The following CGN variants were observed in gnomAD, a reference collection of about 807,000 sequenced individuals.
CGN encodes the protein cingulin.
Under a neutral mutation model 157.1 loss-of-function variants are expected in CGN, and 121 were observed. The observed-to-expected ratio is 0.77, with a 90% CI of 0.66 to 0.90. CGN has a LOEUF of 0.90. Ranked by LOEUF, CGN falls within the 40% of genes least tolerant of loss-of-function variation. CGN has a pLI of 0.00. For missense variants in CGN, 1,424 were observed against 1,520.9 expected (o/e 0.94, Z 1.06); for synonymous variants, 535 against 607.5 (o/e 0.88, Z 1.76).
rs765506857 is a variant in CGN, at chr1:151,518,493, C to A, written c.-14-13C>A. ...GAAGTCTCTCAGCCTAAACTCATTT[C>A]TTCATCTTCTAGGACTCCTCCTATT... On this transcript the variant is annotated splice_polypyrimidine_tract_variant and intron_variant, in intron 1 of 20. Coordinates refer to ENST00000271636, the MANE Select transcript of CGN (RefSeq NM_020770.3). 1.9e-6 allele frequency: 3 copies of A among 1,567,972 alleles called. No individual in the cohort carries two copies. The highest frequency in any genetic ancestry group is 2.3e-5 in the South Asian group (2 of 85,760).
Position 151,519,164 on chromosome 1 carries a change from G to T in CGN, c.645G>T (p.Leu215=), listed in dbSNP as rs1490005530. ...PPEQRKRSKS[L]DSRLPRDTFE... The stretch of plus-strand genomic sequence containing the variant: ...AACAGCGCAAACGGAGCAAGAGCCT[G>T]GACAGCCGCCTCCCACGGGACACCT... The change falls in exon 2 of 21, where the codon CTG becomes CTT. Residue 215 remains leucine, a synonymous_variant. Transcript: ENST00000271636. 2 of 1,614,016 alleles carry T rather than the reference G, an allele frequency of 1.2e-6. No individual in the cohort carries two copies.
intron 20 of CGN, 83 bp downstream of exon 20, chr1:151,536,976 G>A (rs1423129739): frequency 1.4e-6 from 2 of 1,456,688 alleles, no homozygotes; most frequent in East Asian, 2.3e-5. Flanking sequence ...ATAAGGAGGA[G>A]AATCTCTAAC....
intron 18 of CGN, 76 bp downstream of exon 18, chr1:151,535,974 C>A: frequency 8.8e-7 from 1 of 1,135,244 alleles, no homozygotes; most frequent in Non-Finnish European, 1.3e-6. Flanking sequence ...TCCTCTGTGG[C>A]TCCCTCCATC....
In CGN at chr1:151,526,963, T is replaced by C. The variant is rs1664694941; in HGVS notation, c.1764-12T>C. 1.2e-6 allele frequency: 2 copies of C among 1,613,932 alleles called. No homozygotes were observed. Among genetic ancestry groups the C allele is most frequent in the Non-Finnish European group, 1.7e-6 (2 of 1,179,980 alleles). ...GTTCCCTTTCCCCTTTATTTCACCT[T>C]GCCTGGCTCAGACTCCTGCAGCTGC... On this transcript the variant is annotated splice_polypyrimidine_tract_variant and intron_variant, in intron 9 of 20. Transcript: ENST00000271636.
At chr1:151,522,663 G>A (rs775435622) in intron 5 of CGN, among the ~76,000 whole-genome samples, 5 of 149,114 alleles carry the variant, frequency 3.4e-5, no homozygotes, top group South Asian at 2.1e-4. Context: ...AAACCAGGCC[G>A]GGCGCTGTGG....
Position 151,518,733 on chromosome 1 carries a change from G to T in CGN, c.214G>T (p.Glu72Ter). Residue 72 changes from glutamate to a stop codon, truncating the protein, a stop_gained, in exon 2 of 21, where the codon GAG (glutamate) becomes TAG (stop). Coordinates refer to ENST00000271636, the MANE Select transcript of CGN (RefSeq NM_020770.3). LOFTEE classifies it high-confidence loss of function. The stretch of plus-strand genomic sequence containing the variant: ...GCCCTTTGTGGTGCTCAACAGTGGG[G>T]AGAAAGGCGGTGACTCCTTTGGGGT... ...GQPFVVLNSGEKGGDSFGVQI... is the reference protein window; with the variant it reads ...GQPFVVLNSG 6.2e-7 allele frequency: 1 copy of T among 1,614,160 alleles called. No homozygotes were observed. Among genetic ancestry groups the T allele is most frequent in the Non-Finnish European group, 8.5e-7 (1 of 1,180,014 alleles).
intron 5 of CGN, among the ~76,000 whole-genome samples, chr1:151,522,046 G>T (rs1434326947): frequency 6.6e-6 from 1 of 152,084 alleles, no homozygotes; most frequent in Non-Finnish European, 1.5e-5. Flanking sequence ...GGGAGGGCAA[G>T]GTGGGAGGAC....
At chr1:151,516,824 G>T (rs1664424893) in intron 1 of CGN, among the ~76,000 whole-genome samples, 1 of 151,612 alleles carries the variant, frequency 6.6e-6, no homozygotes, top group South Asian at 2.1e-4. Context: ...TTACAGGCGT[G>T]AGCCACCATG....
intron 10 of CGN, among the ~76,000 whole-genome samples, chr1:151,529,087 T>G (rs1277721802): frequency 2.0e-5 from 3 of 152,218 alleles, no homozygotes; most frequent in Non-Finnish European, 4.4e-5. Context: ...TGGGCTATAA[T>G]GAATAATGCT....
At chr1:151,527,253 C>T (rs1664704131) in intron 10 of CGN, 146 bp downstream of exon 10, 6 of 813,320 alleles carry the variant, frequency 7.4e-6, no homozygotes, top group Admixed American at 2.4e-5. Context: ...GATCTCTTTC[C>T]AGCACAGCAG....
intron 14 of CGN, 107 bp downstream of exon 14, chr1:151,532,679 G>C (rs1664867085): frequency 1.1e-6 from 1 of 919,920 alleles, no homozygotes; most frequent in Non-Finnish European, 1.5e-6. Flanking sequence ...GAGTTCAGTG[G>C]CGCGATCTTG....
At chr1:151,532,835 G>C (rs905558387) in intron 14 of CGN, among the ~76,000 whole-genome samples, 4 of 151,956 alleles carry the variant, frequency 2.6e-5, no homozygotes, top group Non-Finnish European at 5.9e-5. Context: ...TAGCCAGGAT[G>C]GTCTCAATCT....
chr1:151,531,808 T>C (rs114684210), intron 13 of CGN, among the ~76,000 whole-genome samples: 4 of 150,746 alleles, frequency 2.7e-5, no homozygotes, highest in African/African-American at 7.3e-5. Context: ...AAGTGCACAT[T>C]TTATCATTTG....
At position 151,524,573 on chromosome 1, in the gene CGN, G is replaced by A; in HGVS notation, c.1402-101G>A. On this transcript the variant is annotated intron_variant, in intron 7 of 20. Coordinates refer to ENST00000271636, the MANE Select transcript of CGN (RefSeq NM_020770.3). The surrounding 1 kb of genome is among the most constrained non-coding windows in gnomAD (Gnocchi z 4.4). ...TCCAGTACTGGTACTAGAGCACCTG[G>A]TACTGTGCCTAATACGATAAATATT... 8.4e-7 allele frequency: 1 copy of A among 1,195,324 alleles called. No individual in the cohort carries two copies. Among genetic ancestry groups the A allele is most frequent in the Non-Finnish European group, 1.2e-6 (1 of 841,250 alleles). The allele number at this position is 1,195,324 out of a possible 1,614,324, so 74.0% of individuals were successfully genotyped here. A position where few individuals can be genotyped will look rare whatever the true frequency, so the allele number is the denominator to read the frequency against.
chr1:151,533,116 G>A (rs1297072852), intron 14 of CGN, among the ~76,000 whole-genome samples: 1 of 152,062 alleles, frequency 6.6e-6, no homozygotes, highest in African/African-American at 2.4e-5. Flanking sequence ...ATCATCTCTG[G>A]GGATGGGATC....
chr1:151,515,016 CTTT>C (rs879710325), intron 1 of CGN, among the ~76,000 whole-genome samples: 2 of 143,218 alleles, frequency 1.4e-5, no homozygotes, highest in Admixed American at 1.4e-4. Context: ...GTACAAACAT[CTTT>C]TTTTTTTTTT....
rs777153053 is a variant in CGN, at chr1:151,519,065, C to T, written c.546C>T (p.Ile182=). The part of the protein sequence containing the change: ...TAPLSSVDSL[I]NKFDSQLGGQ... ...CCCTGTCTTCAGTGGACTCACTCAT[C>T]AACAAGTTTGACAGTCAACTTGGAG... The change falls in exon 2 of 21, where the codon ATC becomes ATT. Residue 182 remains isoleucine, a synonymous_variant. Coordinates refer to ENST00000271636, the MANE Select transcript of CGN (RefSeq NM_020770.3). The T allele has an allele frequency of 1.4e-5, 22 of 1,614,156 alleles. No homozygotes were observed. Among genetic ancestry groups the T allele is most frequent in the South Asian group, 4.4e-5 (4 of 91,084 alleles).
intron 14 of CGN, among the ~76,000 whole-genome samples, chr1:151,533,138 T>G (rs953032363): frequency 6.6e-6 from 1 of 152,126 alleles, no homozygotes; most frequent in Non-Finnish European, 1.5e-5. Context: ...AGGATCAGAA[T>G]TTAAAAAAAC....
At chr1:151,535,155 C>T in intron 16 of CGN, 24 bp downstream of exon 16, 1 of 1,543,718 alleles carries the variant, frequency 6.5e-7, no homozygotes, top group Non-Finnish European at 8.9e-7. Context: ...CCCCTCATCT[C>T]TGTTTACCCC....
Sources: gnomAD v4.1 joint callset for allele counts (sites outside exome capture counted in the v4.1 genomes callset) on GRCh38, gnomAD v4.1.1 for gene constraint, Gnocchi (gnomAD v3.1) non-coding constraint, MANE v1.5 for transcripts, NCBI Gene and HGNC (gene_info 2026-07-23, HGNC 2026-07-21) for gene names.